The following CSNK1G2 variants were observed in gnomAD, a reference collection of about 807,000 sequenced individuals.
CSNK1G2 encodes casein kinase 1 gamma 2.
Under a neutral mutation model 48.0 loss-of-function variants are expected in CSNK1G2, and 11 were observed. The observed-to-expected ratio is 0.23, with a 90% confidence interval of 0.14 to 0.38. The LOEUF is 0.38. CSNK1G2 is among the 10% of genes least tolerant of loss of function. CSNK1G2 has a pLI of 1.00. For synonymous variants in CSNK1G2, 337 were observed against 254.1 expected (o/e 1.33, Z -3.10); for missense variants, 446 against 595.5 (o/e 0.75, Z 2.61).
At chr19:1,959,039 G>T (rs566343910) in intron 1 of CSNK1G2, among the ~76,000 whole-genome samples, 4 of 149,912 alleles carry the variant, frequency 2.7e-5, no homozygotes, top group African/African-American at 9.9e-5. Context: ...CCCAGGGTGC[G>T]AGTTGGTTTT....
rs1475226132 is a variant in CSNK1G2 at position 1,979,384 on chromosome 19, G to A, written c.834G>A (p.Val278=). The A allele has an allele frequency of 6.3e-6, 10 of 1,597,116 alleles. No individual in the cohort carries two copies. The highest frequency in any genetic ancestry group is 5.4e-5 in the African/African-American group (4 of 74,712). ...GDTKRATPIE[V]LCENFPEEMA... The stretch of plus-strand genomic sequence containing the variant: ...CCAAACGCGCCACGCCCATCGAGGT[G>A]CTCTGCGAGAACTTCCCAGGTAAGG... The change falls in exon 8 of 12, where the codon GTG becomes GTA. Residue 278 remains valine, a synonymous_variant. Coordinates refer to ENST00000255641, the MANE Select transcript of CSNK1G2 (RefSeq NM_001319.7).
At chr19:1,960,145 C>T (rs922616666) in intron 1 of CSNK1G2, among the ~76,000 whole-genome samples, 1 of 152,226 alleles carries the variant, frequency 6.6e-6, no homozygotes, top group East Asian at 1.9e-4. Context: ...AGCCGAATGT[C>T]TGCGTCAGCA....
chr19:1,948,349 C>A lies in CSNK1G2; in HGVS notation c.-266+6931C>A, dbSNP rs555776795. 1.9e-3 allele frequency among the ~76,000 whole-genome samples: 286 copies of A among 152,082 alleles called. 4 individuals carry two copies. The highest frequency in any genetic ancestry group is 6.7e-3 in the African/African-American group (279 of 41,490). On this transcript the variant is annotated intron_variant, in intron 1 of 11. Coordinates refer to ENST00000255641, the MANE Select transcript of CSNK1G2 (RefSeq NM_001319.7). ...CCATCCTGGCTAACACAGTGAAACC[C>A]CGTCTCTACTAAAAAGACAAAAAAT... is the stretch of plus-strand genomic sequence containing the variant.
intron 1 of CSNK1G2, among the ~76,000 whole-genome samples, chr19:1,955,168 T>C (rs1394647773): frequency 6.6e-6 from 1 of 152,128 alleles, no homozygotes; most frequent in East Asian, 1.9e-4. Flanking sequence ...GGGAGTGATC[T>C]GCGCCCTCGG....
At position 1,980,248 on chromosome 19, in the gene CSNK1G2, T is replaced by G; in HGVS notation, c.*45T>G. On this transcript the variant is annotated 3_prime_UTR_variant, in exon 12 of 12. Coordinates refer to ENST00000255641, the MANE Select transcript of CSNK1G2 (RefSeq NM_001319.7). ...CCTGAATCTTCTCCGTGCAGCCCCT[T>G]GGGGCGCGACCTTGTGCGAGGCCCT... 1 of 1,608,984 alleles carries G rather than the reference T, an allele frequency of 6.2e-7. No homozygotes were observed. Among genetic ancestry groups the G allele is most frequent in the Non-Finnish European group, 8.5e-7 (1 of 1,176,970 alleles).
chr19:1,967,740 CTCCTCCCCA>C, intron 1 of CSNK1G2, among the ~76,000 whole-genome samples: 1 of 99,346 alleles, frequency 1.0e-5, no homozygotes, highest in African/African-American at 4.7e-5. Context: ...TCCTTCCTCC[CTCCTCCCCA>C]GGCTGCCCCC....
chr19:1,944,798 G>T (rs12608688), intron 1 of CSNK1G2, among the ~76,000 whole-genome samples: 1 of 152,030 alleles, frequency 6.6e-6, no homozygotes, highest in African/African-American at 2.4e-5. Context: ...GCCCTGCAGC[G>T]GGCAGGGATT....
intron 1 of CSNK1G2, among the ~76,000 whole-genome samples, chr19:1,962,945 G>A (rs1347143521): frequency 6.6e-6 from 1 of 152,124 alleles, no homozygotes; most frequent in Non-Finnish European, 1.5e-5. Context: ...CAGCAGAGGA[G>A]GAGGCGTAGT....
intron 2 of CSNK1G2, among the ~76,000 whole-genome samples, chr19:1,977,268 C>A (rs118066039): frequency 0.023 from 3,552 of 152,298 alleles, 68 homozygotes; most frequent in Admixed American, 0.061. Context: ...GCCCAGCTGC[C>A]GTGGGGAGCC....
intron 2 of CSNK1G2, among the ~76,000 whole-genome samples, chr19:1,971,377 A>G (rs2015563123): frequency 6.6e-6 from 1 of 152,198 alleles, no homozygotes; most frequent in Non-Finnish European, 1.5e-5. Flanking sequence ...TGCCGGTCCG[A>G]CGGCCTGTGG....
intron 1 of CSNK1G2, chr19:1,953,566 A>G (rs563259919): frequency 1.6e-5 from 8 of 495,586 alleles, no homozygotes; most frequent in African/African-American, 1.4e-4. Context: ...CCCTCCGCCA[A>G]GGCTGCCGGT....
chr19:1,950,450 T>C lies in CSNK1G2; in HGVS notation c.-266+9032T>C, dbSNP rs1022680575. On this transcript the variant is annotated intron_variant, in intron 1 of 11. Transcript: ENST00000255641. ...CACCGCGCCTGGCCATCAATGTTTA[T>C]TTTTAAGTAGCAAAAGAGAACTCAG... Among the ~76,000 whole-genome samples, 5 of 147,242 alleles carry C rather than the reference T, an allele frequency of 3.4e-5. 1 individual carries two copies. The highest frequency in any genetic ancestry group is 4.4e-4 in the South Asian group (2 of 4,590).
chr19:1,945,544 G>A (rs924272295), intron 1 of CSNK1G2, among the ~76,000 whole-genome samples: 4 of 152,226 alleles, frequency 2.6e-5, no homozygotes, highest in Non-Finnish European at 5.9e-5. Context: ...AGCTCTGGCC[G>A]GGCGCGGGGG....
intron 2 of CSNK1G2, among the ~76,000 whole-genome samples, chr19:1,976,886 T>G (rs2015775214): frequency 6.6e-6 from 1 of 152,104 alleles, no homozygotes; most frequent in Non-Finnish European, 1.5e-5. Context: ...ATTACAGGCA[T>G]GCATCACCAT....
intron 2 of CSNK1G2, among the ~76,000 whole-genome samples, chr19:1,970,673 A>G (rs1475664843): frequency 1.3e-5 from 2 of 152,176 alleles, no homozygotes; most frequent in Non-Finnish European, 2.9e-5. Context: ...GAGCTGAATC[A>G]TCCCCGGAAA....
chr19:1,964,064 G>A (rs548663708), intron 1 of CSNK1G2, among the ~76,000 whole-genome samples: 2 of 152,120 alleles, frequency 1.3e-5, no homozygotes, highest in South Asian at 2.1e-4. Flanking sequence ...TGATCCCAAA[G>A]TGCTGGGCCT....
In CSNK1G2 at chr19:1,979,113, C is replaced by CGGGG. The variant is rs2015873224; in HGVS notation, c.682+23_682+26dup. 6.3e-7 allele frequency: 1 copy of CGGGG among 1,577,926 alleles called. No individual in the cohort carries two copies. The highest frequency in any genetic ancestry group is 1.4e-5 in the African/African-American group (1 of 73,512). ...GCAAGGGTGAGCTGCGCGCGCGCGG[C>CGGGG]GGGGGGCGGGCGCCCGGACCCCGCT... On this transcript the variant is annotated intron_variant, in intron 6 of 11. Transcript: ENST00000255641.
chr19:1,971,756 G>A (rs1391997081), intron 2 of CSNK1G2, among the ~76,000 whole-genome samples: 1 of 150,576 alleles, frequency 6.6e-6, no homozygotes. Context: ...AGTGACGTGG[G>A]TGATGCCAGC....
chr19:1,973,927 G>T (rs996747007), intron 2 of CSNK1G2, among the ~76,000 whole-genome samples: 1 of 151,958 alleles, frequency 6.6e-6, no homozygotes, highest in Non-Finnish European at 1.5e-5. Flanking sequence ...TTGCTCTGTT[G>T]CCCAGGCTGG....
Sources: gnomAD v4.1 joint callset for allele counts (sites outside exome capture counted in the v4.1 genomes callset) on GRCh38, gnomAD v4.1.1 for gene constraint, MANE v1.5 for transcripts, NCBI Gene and HGNC (gene_info 2026-07-23, HGNC 2026-07-21) for gene names.